GOLGA5: variants seen among roughly 807,000 people sequenced by gnomAD.
GOLGA5 encodes golgin A5, also known as golgin subfamily A member 5.
Under a neutral mutation model 93.5 loss-of-function variants are expected in GOLGA5, and 50 were observed. The ratio of observed to expected loss-of-function variants is 0.53; its 90% CI spans 0.43 to 0.68. GOLGA5 has a LOEUF of 0.68. GOLGA5 is among the 30% of genes least tolerant of loss of function. GOLGA5 has a pLI of 0.00. For synonymous variants in GOLGA5, 312 were observed against 304.5 expected (o/e 1.02, Z -0.26); for missense variants, 760 against 856.4 (o/e 0.89, Z 1.40).
chr14:92,819,301 T>A (rs1472552794), intron 7 of GOLGA5, among the ~76,000 whole-genome samples: 1 of 152,152 alleles, frequency 6.6e-6, no homozygotes, highest in Non-Finnish European at 1.5e-5. Flanking sequence ...TGAAACCATG[T>A]CTCATTCACC....
chr14:92,797,338 G>A lies in GOLGA5; in HGVS notation c.-30-70G>A, dbSNP rs919856262. On this transcript the variant is annotated intron_variant, in intron 1 of 12. Transcript: ENST00000163416. ...TTCAACCCAGGATTGCCTGACTCCA[G>A]AGTCTGGTCTTAACCATTTATCATA... is the stretch of plus-strand genomic sequence containing the variant. 16 of 884,922 alleles carry A rather than the reference G, an allele frequency of 1.8e-5. No individual in the cohort carries two copies. In the African/African-American group the frequency reaches 2.7e-4, roughly 15 times the overall value. 54.8% of individuals were successfully genotyped at this position (884,922 alleles called of 1,614,324 possible).
At chr14:92,811,785 A>G in intron 6 of GOLGA5, 31 bp downstream of exon 6, 3 of 1,475,236 alleles carry the variant, frequency 2.0e-6, no homozygotes, top group Non-Finnish European at 2.8e-6. Context: ...TTTGGATGTT[A>G]AGATGTGCAA....
rs887779922 is a variant in GOLGA5 at position 92,839,542 on chromosome 14, G to A, written c.*96G>A. 2.7e-6 allele frequency: 2 copies of A among 748,508 alleles called. No individual in the cohort carries two copies. Among genetic ancestry groups the A allele is most frequent in the Non-Finnish European group, 2.4e-6 (1 of 425,522 alleles). The allele number at this position is 748,508 out of a possible 1,614,324, so 46.4% of individuals were successfully genotyped here. A position where few individuals can be genotyped will look rare whatever the true frequency, so the allele number is the denominator to read the frequency against. ...TAAAATTTCTGAGAACAGTGCACAA[G>A]ATTATTTTATCACTACAAGCTTTTA... On this transcript the variant is annotated 3_prime_UTR_variant, in exon 13 of 13. Transcript: ENST00000163416.
intron 2 of GOLGA5, among the ~76,000 whole-genome samples, chr14:92,798,908 G>A (rs1185999362): frequency 6.6e-6 from 1 of 152,150 alleles, no homozygotes; most frequent in Non-Finnish European, 1.5e-5. Flanking sequence ...AGAATGAGAC[G>A]CTGTCTCCAA....
intron 10 of GOLGA5, among the ~76,000 whole-genome samples, chr14:92,834,393 C>T (rs189162559): frequency 1.3e-5 from 2 of 149,326 alleles, no homozygotes; most frequent in East Asian, 4.1e-4. Context: ...GTGTGATGTT[C>T]CCCTTCCTGT....
At chr14:92,797,303 G>A (rs908587168) in intron 1 of GOLGA5, 105 bp from the exon 2 acceptor site, 14 of 609,934 alleles carry the variant, frequency 2.3e-5, no homozygotes, top group Non-Finnish European at 4.0e-5. Context: ...GTAAAAGGTA[G>A]GGTTAGGATT....
chr14:92,830,631 G>A (rs1020870460), intron 9 of GOLGA5, among the ~76,000 whole-genome samples: 7 of 152,050 alleles, frequency 4.6e-5, no homozygotes, highest in Admixed American at 4.6e-4. Context: ...CAGGATATTT[G>A]CTCTGTCACC....
chr14:92,818,195 A>C (rs987468404), intron 7 of GOLGA5, among the ~76,000 whole-genome samples: 1 of 152,170 alleles, frequency 6.6e-6, no homozygotes, highest in African/African-American at 2.4e-5. Flanking sequence ...CCTTCTCAAA[A>C]TTTATGCAAT....
At chr14:92,835,910 C>T (rs1014527813) in intron 11 of GOLGA5, among the ~76,000 whole-genome samples, 3 of 131,744 alleles carry the variant, frequency 2.3e-5, no homozygotes, top group Admixed American at 7.7e-5. Flanking sequence ...CCAATGCCTA[C>T]ATTTTATTGA....
At chr14:92,826,290 CAAAA>C (rs10713083) in intron 9 of GOLGA5, among the ~76,000 whole-genome samples, 1 of 135,648 alleles carries the variant, frequency 7.4e-6, no homozygotes. Context: ...AATACATTGC[CAAAA>C]AAAAAAAAAA....
chr14:92,803,329 C>T (rs1285707980), intron 2 of GOLGA5, among the ~76,000 whole-genome samples: 2 of 152,226 alleles, frequency 1.3e-5, no homozygotes, highest in Admixed American at 6.5e-5. Flanking sequence ...GCCACCACAC[C>T]TAACCTTTTG....
At chr14:92,797,377 C>A in intron 1 of GOLGA5, 31 bp from the exon 2 acceptor site, 1 of 1,277,948 alleles carries the variant, frequency 7.8e-7, no homozygotes, top group Non-Finnish European at 1.1e-6. Context: ...TGCCACTATG[C>A]CACACTGATC....
chr14:92,823,283 C>A (rs996552218), intron 8 of GOLGA5, among the ~76,000 whole-genome samples: 3 of 152,018 alleles, frequency 2.0e-5, no homozygotes, highest in African/African-American at 7.2e-5. Context: ...TGCTTCTGGA[C>A]TTTTGTTCTC....
At chr14:92,826,020 G>C (rs181891894) in intron 9 of GOLGA5, among the ~76,000 whole-genome samples, 2 of 151,996 alleles carry the variant, frequency 1.3e-5, no homozygotes, top group Admixed American at 1.3e-4. Flanking sequence ...GGTGCATGGT[G>C]GCACGTACCT....
chr14:92,815,449 G>C (rs929963727), intron 6 of GOLGA5, among the ~76,000 whole-genome samples: 2 of 152,292 alleles, frequency 1.3e-5, no homozygotes, highest in African/African-American at 2.4e-5. Flanking sequence ...TCTATAGAGA[G>C]AGACATTATC....
intron 5 of GOLGA5, among the ~76,000 whole-genome samples, chr14:92,810,993 G>C (rs1286040053): frequency 6.6e-6 from 1 of 152,214 alleles, no homozygotes; most frequent in Non-Finnish European, 1.5e-5. Flanking sequence ...ACAGGTGAAA[G>C]TAATTCAGTC....
At position 92,824,557 on chromosome 14, in the gene GOLGA5, T is replaced by C. The variant is rs758908445; in HGVS notation, c.1632T>C (p.Tyr544=). The C allele has an allele frequency of 1.9e-6, 3 of 1,583,530 alleles. No individual in the cohort carries two copies. The highest frequency in any genetic ancestry group is 2.6e-6 in the Non-Finnish European group (3 of 1,154,688). The change falls in exon 9 of 13, where the codon TAT becomes TAC. Residue 544 remains tyrosine, a synonymous_variant. Coordinates refer to ENST00000163416, the MANE Select transcript of GOLGA5 (RefSeq NM_005113.4). ...GCCTCACTTTGCAGGAGTTCCACTA[T>C]ATAGAAGAAGATCTTTATCGAACAA... ...ELERLKQEFH[Y]IEEDLYRTKN... is the part of the protein sequence containing the mutation.
chr14:92,804,836 CAG>C (rs1884949986), intron 2 of GOLGA5, among the ~76,000 whole-genome samples: 2 of 80,304 alleles, frequency 2.5e-5, no homozygotes, highest in East Asian at 3.9e-4. Flanking sequence ...TTAGTAGAAA[CAG>C]GGTTTCACTA....
At chr14:92,836,640 T>C (rs950055657) in intron 11 of GOLGA5, among the ~76,000 whole-genome samples, 3 of 152,188 alleles carry the variant, frequency 2.0e-5, no homozygotes, top group African/African-American at 7.2e-5. Context: ...CTTTGTACCT[T>C]TTAGAAGCAT....
Sources: gnomAD v4.1 joint callset for allele counts (sites outside exome capture counted in the v4.1 genomes callset) on GRCh38, gnomAD v4.1.1 for gene constraint, MANE v1.5 for transcripts, NCBI Gene and HGNC (gene_info 2026-07-23, HGNC 2026-07-21) for gene names.